SLC7A9: variants seen among roughly 807,000 people sequenced by gnomAD.
The protein encoded by SLC7A9 is B(0,+)-type amino acid transporter 1.
In SLC7A9, 38 loss-of-function variants were observed where a neutral mutation model predicts 54.1. That is an observed-to-expected ratio of 0.70 (90% confidence interval 0.54 to 0.92). SLC7A9 has a LOEUF of 0.92. SLC7A9 is among the 40% of genes least tolerant of loss of function. The probability of loss-of-function intolerance (pLI) is 0.00; values close to 1 mark genes in which losing one functional copy is unlikely to be tolerated. For synonymous variants in SLC7A9, 264 were observed against 258.9 expected, an observed-to-expected ratio of 1.02 and a Z score of -0.19; for missense variants, 537 against 636.1, an observed-to-expected ratio of 0.84 and a Z score of 1.68.
intron 10 of SLC7A9, 136 bp from the exon 11 acceptor site, chr19:32,842,453 T>G (rs529766209): frequency 4.8e-6 from 4 of 836,160 alleles, no homozygotes; most frequent in East Asian, 5.2e-5. Context: ...CCTTCATAGT[T>G]GGGGTTAAAC....
chr19:32,854,840 G>A (rs1458297612), intron 9 of SLC7A9, among the ~76,000 whole-genome samples: 5 of 152,022 alleles, frequency 3.3e-5, no homozygotes, highest in East Asian at 1.9e-4. Flanking sequence ...CACCCACCTC[G>A]GCCTCCCAAA....
intron 11 of SLC7A9, among the ~76,000 whole-genome samples, chr19:32,836,134 C>T (rs914728727): frequency 6.6e-6 from 1 of 151,784 alleles, no homozygotes; most frequent in African/African-American, 2.4e-5. Context: ...AGGATGGTCT[C>T]GATCTCCTGA....
chr19:32,862,789 A>G, intron 4 of SLC7A9: 2 of 389,468 alleles, frequency 5.1e-6, no homozygotes, highest in Non-Finnish European at 4.4e-6. Flanking sequence ...CTCCTGCCTC[A>G]GCCTCCTGAG....
intron 9 of SLC7A9, among the ~76,000 whole-genome samples, chr19:32,846,890 T>C (rs1383609441): frequency 1.3e-5 from 2 of 152,208 alleles, no homozygotes; most frequent in East Asian, 3.8e-4. Flanking sequence ...GCCACTGCTG[T>C]TCTGCAGCCA....
intron 9 of SLC7A9, among the ~76,000 whole-genome samples, chr19:32,844,883 A>T (rs953756720): frequency 7.0e-5 from 10 of 142,150 alleles, no homozygotes; most frequent in African/African-American, 2.6e-4. Flanking sequence ...AAAAAAAAAA[A>T]GCCAGATGTG....
chr19:32,855,522 A>G (rs529935474), intron 9 of SLC7A9, among the ~76,000 whole-genome samples: 9 of 152,006 alleles, frequency 5.9e-5, no homozygotes, highest in Non-Finnish European at 7.4e-5. Context: ...ACACGGTGAA[A>G]CCCCATCTCT....
chr19:32,863,353 G>A (rs531888693), intron 4 of SLC7A9, among the ~76,000 whole-genome samples: 5 of 149,366 alleles, frequency 3.3e-5, no homozygotes, highest in African/African-American at 7.4e-5. Context: ...TCTCGAACTC[G>A]TGACCTCATG....
intron 11 of SLC7A9, among the ~76,000 whole-genome samples, chr19:32,838,872 A>G (rs964759361): frequency 8.0e-5 from 12 of 150,304 alleles, no homozygotes; most frequent in African/African-American, 2.9e-4. Context: ...ATATATGTAT[A>G]TATTATGTAT....
At chr19:32,865,312 T>A (rs771020566) in intron 2 of SLC7A9, among the ~76,000 whole-genome samples, 14 of 152,202 alleles carry the variant, frequency 9.2e-5, no homozygotes, top group Non-Finnish European at 1.6e-4. Context: ...TTTTATTTAC[T>A]TATTTATTTA....
At chr19:32,869,325 G>A (rs1245773545) in intron 1 of SLC7A9, among the ~76,000 whole-genome samples, 2 of 152,138 alleles carry the variant, frequency 1.3e-5, no homozygotes, top group Non-Finnish European at 2.9e-5. Context: ...TCCTTCCCAA[G>A]ATTAAAGGCA....
chr19:32,861,839 G>A (rs570000132), intron 6 of SLC7A9, among the ~76,000 whole-genome samples: 10 of 151,954 alleles, frequency 6.6e-5, no homozygotes, highest in Non-Finnish European at 1.5e-4. Flanking sequence ...AAACAAAACA[G>A]AAAACCTGAG....
intron 9 of SLC7A9, among the ~76,000 whole-genome samples, chr19:32,845,541 A>G (rs1968263408): frequency 6.6e-6 from 1 of 152,190 alleles, no homozygotes; most frequent in African/African-American, 2.4e-5. Flanking sequence ...GGAGCCCTTG[A>G]AACATAGCAG....
chr19:32,833,351 C>A, intron 11 of SLC7A9, 28 bp from the exon 12 acceptor site: 1 of 1,612,378 alleles, frequency 6.2e-7, no homozygotes, highest in Non-Finnish European at 8.5e-7. Flanking sequence ...GTCATGGGTA[C>A]CCATTTTCTT....
chr19:32,864,819 A>C (rs1968919392), intron 2 of SLC7A9, 43 bp from the exon 3 acceptor site: 1 of 1,613,244 alleles, frequency 6.2e-7, no homozygotes. Context: ...CCACGCCCGG[A>C]CCCAGCCCAG....
At chr19:32,869,444 T>C (rs1000636012) in intron 1 of SLC7A9, among the ~76,000 whole-genome samples, 1 of 152,276 alleles carries the variant, frequency 6.6e-6, no homozygotes, top group African/African-American at 2.4e-5. Flanking sequence ...CCGGCTGGCC[T>C]CAAGCAGTCC....
At chr19:32,861,222 G>A (rs191469968) in intron 6 of SLC7A9, among the ~76,000 whole-genome samples, 5 of 152,010 alleles carry the variant, frequency 3.3e-5, no homozygotes, top group Admixed American at 6.6e-5. Flanking sequence ...CCAGCTAGTC[G>A]GGAGGCTGAG....
intron 9 of SLC7A9, among the ~76,000 whole-genome samples, chr19:32,857,635 T>C (rs1968665698): frequency 6.6e-6 from 1 of 152,174 alleles, no homozygotes; most frequent in Admixed American, 6.6e-5. Flanking sequence ...CACTCTGAAA[T>C]ATATCCATTC....
chr19:32,833,419 A>AC, intron 11 of SLC7A9, 96 bp from the exon 12 acceptor site: 1 of 1,001,332 alleles, frequency 1.0e-6, no homozygotes, highest in South Asian at 1.4e-5. Context: ...AACTCCATGT[A>AC]CCCCCTCCTC....
intron 3 of SLC7A9, 121 bp downstream of exon 3, chr19:32,864,508 A>G (rs919909819): frequency 5.3e-6 from 8 of 1,522,898 alleles, no homozygotes; most frequent in Non-Finnish European, 7.2e-6. Context: ...CCTGATTTAC[A>G]CCTGTTTGCC....
Sources: allele counts gnomAD v4.1 joint callset (sites outside exome capture counted in the v4.1 genomes callset), GRCh38; gene constraint gnomAD v4.1.1; transcripts MANE v1.5; gene names NCBI Gene and HGNC (gene_info 2026-07-23, HGNC 2026-07-21).